EGLN3: variants seen among roughly 807,000 people sequenced by gnomAD.
EGLN3 encodes prolyl hydroxylase EGLN3.
EGLN3 carries 15 observed loss-of-function variants against 26.0 expected under a neutral mutation model. The ratio of observed to expected loss-of-function variants is 0.58; its 90% CI spans 0.39 to 0.89. EGLN3 has a LOEUF of 0.89. Ranked by LOEUF, EGLN3 falls within the 40% of genes least tolerant of loss-of-function variation. The probability of loss-of-function intolerance (pLI) is 0.00; values close to 1 mark genes in which losing one functional copy is unlikely to be tolerated. For missense variants in EGLN3, 238 were observed against 311.6 expected (o/e 0.76, Z 1.78); for synonymous variants, 147 against 127.2 (o/e 1.16, Z -1.05).
At chr14:33,937,383 T>G (rs2064450267) in intron 1 of EGLN3, among the ~76,000 whole-genome samples, 1 of 152,236 alleles carries the variant, frequency 6.6e-6, no homozygotes, top group Admixed American at 6.5e-5. Context: ...GCTGGTCATC[T>G]TTGTTGTTGG....
At chr14:33,949,531 A>G (rs1234055003) in intron 1 of EGLN3, 1 of 152,204 alleles carries the variant, frequency 6.6e-6, no homozygotes, top group African/African-American at 2.4e-5. Flanking sequence ...TCATTTGAGG[A>G]AAGACTGAGA....
chr14:33,939,535 C>G (rs2064468385), intron 1 of EGLN3, among the ~76,000 whole-genome samples: 1 of 152,140 alleles, frequency 6.6e-6, no homozygotes, highest in Non-Finnish European at 1.5e-5. Flanking sequence ...CAGGAGAAAC[C>G]TACATATGCA....
chr14:33,937,007 A>G (rs1252672650), intron 1 of EGLN3, among the ~76,000 whole-genome samples: 2 of 152,224 alleles, frequency 1.3e-5, no homozygotes, highest in Non-Finnish European at 2.9e-5. Flanking sequence ...GGGATATGTG[A>G]TCTTCAAGGA....
intron 1 of EGLN3, 78 bp downstream of exon 1, chr14:33,950,318 G>C (rs778236673): frequency 7.4e-7 from 1 of 1,357,086 alleles, no homozygotes; most frequent in Non-Finnish European, 1.1e-6. Flanking sequence ...ACGGCCCTGG[G>C]AAGTCGACAT....
intron 3 of EGLN3, among the ~76,000 whole-genome samples, chr14:33,928,409 A>T (rs2064377598): frequency 6.6e-6 from 1 of 152,194 alleles, no homozygotes; most frequent in South Asian, 2.1e-4. Context: ...TGCTTTAGAC[A>T]CAGACAAAGG....
At chr14:33,939,392 A>T (rs1307374100) in intron 1 of EGLN3, among the ~76,000 whole-genome samples, 1 of 152,072 alleles carries the variant, frequency 6.6e-6, no homozygotes, top group East Asian at 1.9e-4. Flanking sequence ...TTGTGTTTTT[A>T]GTAGAGACTG....
chr14:33,947,534 A>G (rs1482757592), intron 1 of EGLN3, among the ~76,000 whole-genome samples: 1 of 152,218 alleles, frequency 6.6e-6, no homozygotes, highest in African/African-American at 2.4e-5. Context: ...ATAAAGGGCA[A>G]TATTATTCAA....
intron 2 of EGLN3, 106 bp downstream of exon 2, chr14:33,930,990 G>A: frequency 1.4e-6 from 2 of 1,457,406 alleles, no homozygotes; most frequent in Non-Finnish European, 9.3e-7. Context: ...TTTCATCAGT[G>A]GGAGATACGG....
chr14:33,943,893 G>T (rs1045158761), intron 1 of EGLN3, among the ~76,000 whole-genome samples: 2 of 152,148 alleles, frequency 1.3e-5, no homozygotes, highest in Non-Finnish European at 2.9e-5. Context: ...TACCAATTTT[G>T]CTTGAGCTGA....
At chr14:33,938,952 A>T in intron 1 of EGLN3, among the ~76,000 whole-genome samples, 1 of 152,202 alleles carries the variant, frequency 6.6e-6, no homozygotes, top group East Asian at 1.9e-4. Flanking sequence ...GATATGAGAA[A>T]ACAGCCTTAT....
chr14:33,927,776 G>A (rs763703826), intron 3 of EGLN3, among the ~76,000 whole-genome samples: 4 of 152,162 alleles, frequency 2.6e-5, no homozygotes, highest in Admixed American at 6.5e-5. Flanking sequence ...TTTGAAAAAC[G>A]ACTTATGTAA....
chr14:33,950,201 C>T, intron 1 of EGLN3, 195 bp downstream of exon 1: 2 of 619,190 alleles, frequency 3.2e-6, no homozygotes, highest in Non-Finnish European at 5.8e-6. Flanking sequence ...TTCACCTGAG[C>T]CCCTTAACGT....
chr14:33,936,378 G>C (rs988845053), intron 1 of EGLN3, among the ~76,000 whole-genome samples: 2 of 152,056 alleles, frequency 1.3e-5, no homozygotes, highest in African/African-American at 4.8e-5. Context: ...ATTTATATTC[G>C]GGTGACAACA....
intron 2 of EGLN3, among the ~76,000 whole-genome samples, chr14:33,930,831 T>A (rs1246690521): frequency 6.6e-6 from 1 of 152,136 alleles, no homozygotes; most frequent in Non-Finnish European, 1.5e-5. Context: ...TAATATCAAA[T>A]TACCTTCCCT....
At chr14:33,929,346 C>A in intron 2 of EGLN3, 134 bp from the exon 3 acceptor site, 2 of 1,121,356 alleles carry the variant, frequency 1.8e-6, no homozygotes, top group Non-Finnish European at 2.5e-6. Flanking sequence ...ATTTTTACTT[C>A]AACCTCATAG....
At position 33,935,632 on chromosome 14, in the gene EGLN3, T is replaced by TAC. The variant is rs1264907967; in HGVS notation, c.358-4419_358-4418dup. On this transcript the variant is annotated intron_variant, in intron 1 of 4. Transcript: ENST00000250457. ...ACACACACACACACATATATATATA[T>TAC]ACACACACATATATCAGGCTATATT... is the stretch of plus-strand genomic sequence containing the variant. Among the ~76,000 whole-genome samples the TAC allele has an allele frequency of 3.0e-3, 451 of 150,412 alleles. 4 individuals are homozygous for TAC. The highest frequency in any genetic ancestry group is 9.6e-3 in the African/African-American group (390 of 40,666).
intron 1 of EGLN3, among the ~76,000 whole-genome samples, chr14:33,942,250 G>A (rs1360365993): frequency 6.6e-6 from 1 of 151,496 alleles, no homozygotes; most frequent in African/African-American, 2.4e-5. Context: ...ACTAAGAAAG[G>A]GCCCCTCAAG....
chr14:33,950,633 G>T lies in EGLN3; in HGVS notation c.120C>A (p.Gly40=), dbSNP rs940302291. 1.9e-6 allele frequency: 3 copies of T among 1,613,890 alleles called. No homozygotes were observed. The highest frequency in any genetic ancestry group is 2.5e-6 in the Non-Finnish European group (3 of 1,179,948). ...YLDNFLGEVV[G]DCVLERVKQL... is the part of the protein sequence containing the mutation. ...GCTTGACGCGCTCCAGGACGCAGTC[G>T]CCCACCACCTCGCCCAGGAAGTTGT... Residue 40 remains glycine, a synonymous_variant, in exon 1 of 5, where the codon GGC becomes GGA. Transcript: ENST00000250457.
intron 1 of EGLN3, chr14:33,948,904 C>G (rs1031969975): frequency 6.6e-6 from 1 of 152,142 alleles, no homozygotes; most frequent in Non-Finnish European, 1.5e-5. Context: ...TTCCCCTCCC[C>G]GACACACCTC....
Sources: gnomAD v4.1 joint callset for allele counts (sites outside exome capture counted in the v4.1 genomes callset) on GRCh38, gnomAD v4.1.1 for gene constraint, MANE v1.5 for transcripts, NCBI Gene and HGNC (gene_info 2026-07-23, HGNC 2026-07-21) for gene names.